BAHCC1: variants seen among roughly 807,000 people sequenced by gnomAD.
BAHCC1 encodes the protein BAH domain and coiled-coil containing 1.
Under a neutral mutation model 88.2 loss-of-function variants are expected in BAHCC1, and 43 were observed. That is an observed-to-expected ratio of 0.49 (90% CI 0.38 to 0.63). The LOEUF is 0.63. Ranked by LOEUF, BAHCC1 falls within the 20% of genes least tolerant of loss-of-function variation. BAHCC1 has a pLI of 0.00. For synonymous variants in BAHCC1, 1,510 were observed against 745.5 expected, an observed-to-expected ratio of 2.03 and a Z score of -16.71; for missense variants, 3,023 against 1,654.8, an observed-to-expected ratio of 1.83 and a Z score of -14.34.
intron 2 of BAHCC1, chr17:81,413,215 C>T (rs1291064372): frequency 1.4e-5 from 4 of 288,074 alleles, no homozygotes; most frequent in Admixed American, 5.0e-5. Context: ...GCTGACCATG[C>T]CCCCCCCGGG....
intron 27 of BAHCC1, 82 bp from the exon 28 acceptor site, chr17:81,463,529 G>C (rs538285189): frequency 5.3e-6 from 4 of 752,074 alleles, no homozygotes; most frequent in Non-Finnish European, 9.8e-6. Context: ...ACAGAGCATG[G>C]GTGGGCGGGT....
At position 81,461,671 on chromosome 17, in the gene BAHCC1, C is replaced by T. The variant is rs782684225; in HGVS notation, c.7008C>T (p.Ser2336=). 6 of 726,854 alleles carry T rather than the reference C, an allele frequency of 8.3e-6. No individual in the cohort carries two copies. The highest frequency in any genetic ancestry group is 1.5e-5 in the Non-Finnish European group (6 of 390,186). The allele number at this position is 726,854 out of a possible 1,614,324, so 45.0% of individuals were successfully genotyped here. A position where few individuals can be genotyped will look rare whatever the true frequency, so the allele number is the denominator to read the frequency against. Residue 2336 remains serine (S), a synonymous_variant, in exon 26 of 28, where the codon AGC becomes AGT. Transcript: ENST00000675386. ...CCTCAGGCTCCGTGTCCACCTCCAG[C>T]CTCTGCTCCTCCGACAACGAGGACT... ...SSSSGSVSTS[S]LCSSDNEDSS...
chr17:81,430,219 C>G (rs1019862456), intron 3 of BAHCC1, among the ~76,000 whole-genome samples: 35 of 152,208 alleles, frequency 2.3e-4, no homozygotes, highest in Admixed American at 2.2e-3. Context: ...CCCTCCCCAC[C>G]GCGCCCCCCA....
At chr17:81,432,141 TC>T (rs2064267506) in intron 3 of BAHCC1, among the ~76,000 whole-genome samples, 1 of 152,106 alleles carries the variant, frequency 6.6e-6, no homozygotes, top group Non-Finnish European at 1.5e-5. Flanking sequence ...AAGAGCAACT[TC>T]CCTCCCGTGT....
In BAHCC1 at chr17:81,462,970, C is replaced by T. The variant is rs782314958; in HGVS notation, c.7614C>T (p.Asp2538=). 1.2e-5 allele frequency: 9 copies of T among 780,320 alleles called. No individual in the cohort carries two copies. The highest frequency in any genetic ancestry group is 3.4e-5 in the African/African-American group (2 of 59,284). 48.3% of individuals were successfully genotyped at this position (780,320 alleles called of 1,614,324 possible). A position where few individuals can be genotyped will look rare whatever the true frequency, so the allele number is the denominator to read the frequency against. The change falls in exon 27 of 28, where the codon GAC becomes GAT. Residue 2538 remains aspartate (D), a synonymous_variant. Transcript: ENST00000675386. The part of the protein sequence containing the change: ...EETKLGKRQC[D]GKNALYQSCH... The stretch of plus-strand genomic sequence containing the variant: ...CCAAGCTGGGCAAGAGGCAGTGCGA[C>T]GGCAAGGTGAGGCCCGGACAGGTGT...
rs782793527 is a variant in BAHCC1 at position 81,461,122 on chromosome 17, C to T, written c.6459C>T (p.Phe2153=). ...CCACACCCATATTTGGCAACGGCTTCCGCGCCGACTCCTTCAGCAGCCTGG... is the reference window on the plus strand; with the variant it reads ...CCACACCCATATTTGGCAACGGCTTTCGCGCCGACTCCTTCAGCAGCCTGG... The part of the protein sequence containing the change: ...SVATPIFGNG[F]RADSFSSLAS... The change falls in exon 26 of 28, where the codon TTC becomes TTT. Residue 2153 remains phenylalanine, a synonymous_variant. Transcript: ENST00000675386. The T allele has an allele frequency of 1.3e-6, 1 of 764,496 alleles. No homozygotes were observed. The highest frequency in any genetic ancestry group is 2.4e-6 in the Non-Finnish European group (1 of 416,310). The allele number at this position is 764,496 out of a possible 1,614,324, so 47.4% of individuals were successfully genotyped here. A position where few individuals can be genotyped will look rare whatever the true frequency, so the allele number is the denominator to read the frequency against.
intron 10 of BAHCC1, 70 bp from the exon 11 acceptor site, chr17:81,446,966 T>C (rs2064540342): frequency 1.3e-6 from 1 of 763,634 alleles, no homozygotes; most frequent in Admixed American, 1.7e-5. Context: ...GCCACTGTCC[T>C]CCGTCCTATC....
chr17:81,424,296 A>G (rs546735753), intron 2 of BAHCC1, among the ~76,000 whole-genome samples: 4 of 152,322 alleles, frequency 2.6e-5, no homozygotes, highest in African/African-American at 9.6e-5. Flanking sequence ...CACAGGGCCT[A>G]TGGCTGGGGC....
chr17:81,415,505 T>C, intron 2 of BAHCC1: 1 of 511,912 alleles, frequency 2.0e-6, no homozygotes, highest in Non-Finnish European at 3.9e-6. Flanking sequence ...GGCTGGGAAA[T>C]AACAGAAAAT....
Position 81,435,770 on chromosome 17 carries a change from G to T in BAHCC1, c.359-2600G>T, listed in dbSNP as rs1555651646. Among the ~76,000 whole-genome samples, 1 of 151,578 alleles carries T rather than the reference G, an allele frequency of 6.6e-6. No homozygotes were observed. The highest frequency in any genetic ancestry group is 2.4e-5 in the African/African-American group (1 of 41,242). ...CCTCAGTGGCAACCCCTTCCAGGATGCCTGTGTGTCCCCGGCCCGGCCGCA... is the reference window on the plus strand; with the variant it reads ...CCTCAGTGGCAACCCCTTCCAGGATTCCTGTGTGTCCCCGGCCCGGCCGCA... On this transcript the variant is annotated intron_variant, in intron 3 of 27. Coordinates refer to ENST00000675386, the MANE Select transcript of BAHCC1 (RefSeq NM_001377448.1). The surrounding 1 kb of genome is among the most constrained non-coding windows in gnomAD (Gnocchi z 4.4).
chr17:81,405,961 T>C (rs1189661137), intron 2 of BAHCC1, among the ~76,000 whole-genome samples: 4 of 152,198 alleles, frequency 2.6e-5, no homozygotes, highest in African/African-American at 9.7e-5. Context: ...TCAGCTGCTG[T>C]GGAAGCGATA....
rs1555654977 is a variant in BAHCC1, at chr17:81,447,738, C to T, written c.3866C>T (p.Pro1289Leu). The T allele has an allele frequency of 5.4e-6, 4 of 734,918 alleles. No homozygotes were observed. The highest frequency in any genetic ancestry group is 5.2e-5 in the African/African-American group (3 of 57,978). The allele number at this position is 734,918 out of a possible 1,614,324, so 45.5% of individuals were successfully genotyped here. Reference protein sequence around the residue: ...PDPQPPAASGPPSTVPLPHSS... With the variant: ...PDPQPPAASGLPSTVPLPHSS... The stretch of plus-strand genomic sequence containing the variant: ...CCTCAGCCCCCAGCGGCCTCTGGGC[C>T]CCCCAGCACAGTCCCCCTGCCTCAT... Residue 1289 changes from proline (P) to leucine (L), a missense_variant, in exon 11 of 28, where the codon CCC becomes CTC. Pro to Leu is a moderately conservative substitution (Grantham distance 98, BLOSUM62 -3). Transcript: ENST00000675386.
chr17:81,460,140 C>T, intron 23 of BAHCC1, 137 bp from the exon 24 acceptor site: 1 of 627,408 alleles, frequency 1.6e-6, no homozygotes, highest in Non-Finnish European at 2.9e-6. Context: ...TGCAGGGCGG[C>T]TCCACTGTCT....
intron 15 of BAHCC1, chr17:81,456,083 G>A (rs2064743720): frequency 1.9e-6 from 1 of 538,218 alleles, no homozygotes; most frequent in South Asian, 2.6e-5. Flanking sequence ...GGCAGTTGGT[G>A]GGCAGTGGGT....
intron 2 of BAHCC1, among the ~76,000 whole-genome samples, chr17:81,423,194 C>T (rs2064135700): frequency 6.6e-6 from 1 of 152,168 alleles, no homozygotes; most frequent in African/African-American, 2.4e-5. Context: ...CCCACCAGCA[C>T]TCACAGACCC....
At chr17:81,417,444 G>A (rs2064047226) in intron 2 of BAHCC1, among the ~76,000 whole-genome samples, 1 of 152,020 alleles carries the variant, frequency 6.6e-6, no homozygotes, top group African/African-American at 2.4e-5. Context: ...AAGCAGAGAG[G>A]GAGCCTGCCT....
At chr17:81,400,572 G>A (rs2063803078) in intron 2 of BAHCC1, 1 of 152,584 alleles carries the variant, frequency 6.6e-6, no homozygotes, top group African/African-American at 2.4e-5. Context: ...GCCCGGGGAG[G>A]AGGGCAGCGC....
chr17:81,435,375 G>T lies in BAHCC1; in HGVS notation c.359-2995G>T, dbSNP rs2064321251. On this transcript the variant is annotated intron_variant, in intron 3 of 27. Transcript: ENST00000675386. The surrounding 1 kb of genome is among the most constrained non-coding windows in gnomAD (Gnocchi z 4.4). ...GTCTCCTGCCCACCGCAGTAGCAGGGGCAGGATGTGGGGACCTCGGTGCGA... is the reference window on the plus strand; with the variant it reads ...GTCTCCTGCCCACCGCAGTAGCAGGTGCAGGATGTGGGGACCTCGGTGCGA... 1 of 461,982 alleles carries T rather than the reference G, an allele frequency of 2.2e-6. No individual in the cohort carries two copies. The highest frequency in any genetic ancestry group is 4.4e-6 in the Non-Finnish European group (1 of 225,952). 28.6% of individuals were successfully genotyped at this position (461,982 alleles called of 1,614,324 possible). A position where few individuals can be genotyped will look rare whatever the true frequency, so the allele number is the denominator to read the frequency against.
chr17:81,444,273 C>T (rs2064479296), intron 6 of BAHCC1, 108 bp from the exon 7 acceptor site: 3 of 628,688 alleles, frequency 4.8e-6, no homozygotes, highest in Non-Finnish European at 8.5e-6. Context: ...GCATTGGCAC[C>T]GTTGGTGGGG....
Sources: allele counts gnomAD v4.1 joint callset (sites outside exome capture counted in the v4.1 genomes callset), GRCh38; gene constraint gnomAD v4.1.1; non-coding constraint Gnocchi (gnomAD v3.1); transcripts MANE v1.5; gene names NCBI Gene and HGNC (gene_info 2026-07-23, HGNC 2026-07-21).